PSD3: variants seen among roughly 807,000 people sequenced by gnomAD.
PSD3 encodes the protein pleckstrin and Sec7 domain containing 3, also known as PH and SEC7 domain-containing protein 3.
In PSD3, 49 loss-of-function variants were observed where a neutral mutation model predicts 105.5. The ratio of observed to expected loss-of-function variants is 0.46; its 90% confidence interval spans 0.37 to 0.59. The LOEUF is 0.59. Among genes scored for constraint, PSD3 ranks in the 20% least tolerant of loss-of-function variants. The probability of loss-of-function intolerance (pLI) is 0.00; values close to 1 mark genes in which losing one functional copy is unlikely to be tolerated. For synonymous variants in PSD3, 557 were observed against 457.8 expected, an observed-to-expected ratio of 1.22 and a Z score of -2.77; for missense variants, 1,561 against 1,263.8, an observed-to-expected ratio of 1.24 and a Z score of -3.57.
At position 18,548,850 on chromosome 8, in the gene PSD3, G is replaced by C. The variant is rs1800600235; in HGVS notation, c.2928+7359C>G. Among the ~76,000 whole-genome samples, 6 of 152,140 alleles carry C rather than the reference G, an allele frequency of 3.9e-5. 1 individual carries two copies. In the South Asian group the frequency reaches 1.0e-3, roughly 26 times the overall value. On this transcript the variant is annotated intron_variant, in intron 15 of 15. Coordinates refer to ENST00000327040, the MANE Select transcript of PSD3 (RefSeq NM_015310.4). ...TAGGTGAGGCATCCCATGCAGCTTGGGGAGAACTTTCTGATGGAGGTCTAC... is the reference window on the plus strand; with the variant it reads ...TAGGTGAGGCATCCCATGCAGCTTGCGGAGAACTTTCTGATGGAGGTCTAC...
At chr8:18,708,409 T>TG (rs1802030693) in intron 9 of PSD3, among the ~76,000 whole-genome samples, 1 of 152,132 alleles carries the variant, frequency 6.6e-6, no homozygotes, top group Non-Finnish European at 1.5e-5. Context: ...TAGCACCTCA[T>TG]GGCAGCTCTA....
chr8:18,958,214 T>G (rs373938075), intron 1 of PSD3, among the ~76,000 whole-genome samples: 6 of 152,216 alleles, frequency 3.9e-5, no homozygotes, highest in Admixed American at 2.6e-4. Flanking sequence ...CAAGATATAC[T>G]GTTACATATA....
intron 4 of PSD3, among the ~76,000 whole-genome samples, chr8:18,854,969 A>T (rs1321342544): frequency 6.6e-6 from 1 of 152,236 alleles, no homozygotes; most frequent in Non-Finnish European, 1.5e-5. Context: ...AACAACTGCC[A>T]CAGAGGCATC....
At chr8:18,823,110 A>C (rs1415075022) in intron 4 of PSD3, among the ~76,000 whole-genome samples, 1 of 152,260 alleles carries the variant, frequency 6.6e-6, no homozygotes, top group African/African-American at 2.4e-5. Context: ...AAAAAAAAAA[A>C]AAAACCTTAT....
chr8:18,560,249 T>C (rs368360514), intron 14 of PSD3, among the ~76,000 whole-genome samples: 15 of 145,658 alleles, frequency 1.0e-4, no homozygotes, highest in African/African-American at 1.0e-4. Context: ...CAAAAAACAA[T>C]GGTAAAAAAC....
At chr8:18,593,438 C>G (rs959942228) in intron 12 of PSD3, among the ~76,000 whole-genome samples, 4 of 152,154 alleles carry the variant, frequency 2.6e-5, no homozygotes, top group Non-Finnish European at 5.9e-5. Flanking sequence ...CATCTCACAC[C>G]AGTTAGAACG....
chr8:18,657,915 A>G (rs1809022434), intron 9 of PSD3, among the ~76,000 whole-genome samples: 1 of 152,254 alleles, frequency 6.6e-6, no homozygotes, highest in Non-Finnish European at 1.5e-5. Flanking sequence ...ACCGCTAAAC[A>G]GCTAAAATTT....
chr8:18,917,803 T>C (rs1820722328), intron 2 of PSD3, among the ~76,000 whole-genome samples: 1 of 152,148 alleles, frequency 6.6e-6, no homozygotes, highest in Non-Finnish European at 1.5e-5. Flanking sequence ...TAGCCCAAAG[T>C]AGCCAGGACC....
intron 12 of PSD3, 75 bp from the exon 13 acceptor site, chr8:18,575,360 T>TA (rs1161150769): frequency 1.5e-5 from 21 of 1,373,196 alleles, no homozygotes; most frequent in Non-Finnish European, 1.9e-5. Flanking sequence ...AAGCAAAAAC[T>TA]AAAAAAATAG....
intron 4 of PSD3, among the ~76,000 whole-genome samples, chr8:18,828,427 C>T (rs1253096726): frequency 6.6e-6 from 1 of 152,128 alleles, no homozygotes. Context: ...TGACCACATT[C>T]AAGCTTCGAT....
At chr8:18,819,808 A>T (rs1812540404) in intron 4 of PSD3, among the ~76,000 whole-genome samples, 1 of 152,076 alleles carries the variant, frequency 6.6e-6, no homozygotes, top group Non-Finnish European at 1.5e-5. Flanking sequence ...TGATCTCCTG[A>T]CCTCGTGATC....
intron 10 of PSD3, among the ~76,000 whole-genome samples, chr8:18,645,191 T>C (rs1807941909): frequency 1.3e-5 from 2 of 152,232 alleles, no homozygotes; most frequent in Admixed American, 1.3e-4. Context: ...GGATTAAGTT[T>C]CTAGCACATG....
At chr8:18,684,204 C>CCACACA (rs67855105) in intron 9 of PSD3, 236 of 195,648 alleles carry the variant, frequency 1.2e-3, no homozygotes, top group African/African-American at 2.9e-3. Context: ...TCTCTCTTTT[C>CCACACA]CACACACACA....
At chr8:18,778,202 A>G (rs779001487) in intron 8 of PSD3, among the ~76,000 whole-genome samples, 8 of 152,250 alleles carry the variant, frequency 5.3e-5, no homozygotes, top group Non-Finnish European at 8.8e-5. Flanking sequence ...GGTTAAATTT[A>G]TTCCCAGGTT....
intron 4 of PSD3, among the ~76,000 whole-genome samples, chr8:18,856,202 T>C (rs1815995117): frequency 6.6e-6 from 1 of 152,172 alleles, no homozygotes; most frequent in Non-Finnish European, 1.5e-5. Context: ...AGGACCTCCG[T>C]GACATCCCAC....
chr8:18,705,887 CAA>C (rs1246578841), intron 9 of PSD3, among the ~76,000 whole-genome samples: 1 of 152,076 alleles, frequency 6.6e-6, no homozygotes, highest in Non-Finnish European at 1.5e-5. Flanking sequence ...TATTTGTGAT[CAA>C]GAGTATCAAA....
chr8:18,772,127 CTG>C (rs1464579215), intron 8 of PSD3, among the ~76,000 whole-genome samples: 2 of 152,260 alleles, frequency 1.3e-5, no homozygotes, highest in East Asian at 3.9e-4. Context: ...ATACATAAAT[CTG>C]TGGATGAACA....
At chr8:18,863,832 T>G (rs1335069254) in intron 4 of PSD3, among the ~76,000 whole-genome samples, 1 of 151,998 alleles carries the variant, frequency 6.6e-6, no homozygotes, top group Non-Finnish European at 1.5e-5. Context: ...TTGACTTGAG[T>G]AGAGAGAGTA....
intron 9 of PSD3, among the ~76,000 whole-genome samples, chr8:18,765,236 G>A (rs748834913): frequency 6.6e-6 from 1 of 152,108 alleles, no homozygotes; most frequent in Non-Finnish European, 1.5e-5. Flanking sequence ...ACTTACCTCA[G>A]TATTATTGAT....
Sources: gnomAD v4.1 joint callset for allele counts (sites outside exome capture counted in the v4.1 genomes callset) on GRCh38, gnomAD v4.1.1 for gene constraint, MANE v1.5 for transcripts, NCBI Gene and HGNC (gene_info 2026-07-23, HGNC 2026-07-21) for gene names.